HMCN2: variants seen among roughly 807,000 people sequenced by gnomAD.
HMCN2 encodes hemicentin 2.
In HMCN2, 325 loss-of-function variants were observed where a neutral mutation model predicts 377.5. The ratio of observed to expected loss-of-function variants is 0.86; its 90% CI spans 0.79 to 0.94. HMCN2 has a LOEUF of 0.94. HMCN2 is among the 40% of genes least tolerant of loss of function. The pLI is 0.00. For missense variants in HMCN2, 4,543 were observed against 4,725.3 expected (o/e 0.96, Z 1.13); for synonymous variants, 2,007 against 2,046.8 (o/e 0.98, Z 0.53).
At chr9:130,273,442 C>A (rs1192039449) in intron 1 of HMCN2, among the ~76,000 whole-genome samples, 1 of 152,022 alleles carries the variant, frequency 6.6e-6, no homozygotes, top group African/African-American at 2.4e-5. Context: ...TATTTATCAG[C>A]AAAAACTGTC....
chr9:130,321,227 C>T (rs1242495365), intron 18 of HMCN2, among the ~76,000 whole-genome samples: 5 of 152,214 alleles, frequency 3.3e-5, no homozygotes, highest in Non-Finnish European at 7.4e-5. Flanking sequence ...GTGGTCTCCC[C>T]GGTTCTTATG....
At chr9:130,336,733 A>G (rs1426790448) in intron 22 of HMCN2, among the ~76,000 whole-genome samples, 2 of 152,234 alleles carry the variant, frequency 1.3e-5, no homozygotes, top group Admixed American at 6.5e-5. Context: ...ACTACTCTGC[A>G]GATGGGGAGA....
In HMCN2 at chr9:130,295,670, G is replaced by C. The variant is rs1554931783; in HGVS notation, c.789G>C (p.Arg263Ser). The change falls in exon 6 of 98, where the codon AGG (arginine) becomes AGC (serine). Residue 263 changes from arginine to serine, a missense_variant. Coordinates refer to ENST00000683500, the MANE Select transcript of HMCN2 (RefSeq NM_001291815.2). ...PEIEVQDPLGRILQEDEGLNV... is the reference protein window; with the variant it reads ...PEIEVQDPLGSILQEDEGLNV... ...CAGCCCTTGGGGCTTCCACAGGGAGGATCCTGCAGGAGGACGAGGGCCTCA... is the reference window on the plus strand; with the variant it reads ...CAGCCCTTGGGGCTTCCACAGGGAGCATCCTGCAGGAGGACGAGGGCCTCA... 4 of 470,858 alleles carry C rather than the reference G, an allele frequency of 8.5e-6. No homozygotes were observed. The highest frequency in any genetic ancestry group is 2.3e-5 in the Admixed American group (1 of 42,572). The allele number at this position is 470,858 out of a possible 1,614,324, so 29.2% of individuals were successfully genotyped here. A position where few individuals can be genotyped will look rare whatever the true frequency, so the allele number is the denominator to read the frequency against.
Position 130,360,480 on chromosome 9 carries a change from A to G in HMCN2, c.5826A>G (p.Thr1942=), listed in dbSNP as rs752504905. The G allele has an allele frequency of 7.7e-7, 1 of 1,303,926 alleles. No homozygotes were observed. The allele number at this position is 1,303,926 out of a possible 1,614,324, so 80.8% of individuals were successfully genotyped here. A position where few individuals can be genotyped will look rare whatever the true frequency, so the allele number is the denominator to read the frequency against. ...HQPVSSWMGV[T]VSVDGRVLRI... The stretch of plus-strand genomic sequence containing the variant: ...CTGTCTCTTCATGGATGGGAGTGAC[A>G]GTATCAGTGGATGGGAGAGTTCTCC... Residue 1942 remains threonine, a synonymous_variant, in exon 38 of 98, where the codon ACA becomes ACG. Transcript: ENST00000683500. This position sits in a 1 kb window ranked among gnomAD's most constrained non-coding sequence, Gnocchi z 4.7.
chr9:130,371,040 C>G lies in HMCN2; in HGVS notation c.7146C>G (p.Leu2382=), dbSNP rs1416635241. The change falls in exon 46 of 98, where the codon CTC becomes CTG. Residue 2382 remains leucine, a synonymous_variant. Coordinates refer to ENST00000683500, the MANE Select transcript of HMCN2 (RefSeq NM_001291815.2). ...CCTTGCACAGCCCCTTAACTCTGCT[C>G]TGTGAAGCCATGGGGATCCCACCTC... is the stretch of plus-strand genomic sequence containing the variant. ...TAALHSPLTL[L]CEAMGIPPPA... 6.1e-6 allele frequency: 6 copies of G among 985,832 alleles called. No individual in the cohort carries two copies. Among genetic ancestry groups the G allele is most frequent in the African/African-American group, 1.7e-5 (1 of 57,238 alleles). The allele number at this position is 985,832 out of a possible 1,614,324, so 61.1% of individuals were successfully genotyped here.
intron 52 of HMCN2, 137 bp downstream of exon 52, chr9:130,376,795 AT>A: frequency 3.2e-6 from 1 of 308,674 alleles, no homozygotes; most frequent in Non-Finnish European, 4.7e-6. Flanking sequence ...CCCTTTATTT[AT>A]TTTATTTTTA....
Position 130,357,943 on chromosome 9 carries a change from G to A in HMCN2, c.5535G>A (p.Trp1845Ter), listed in dbSNP as rs778739284. The A allele has an allele frequency of 1.5e-6, 2 of 1,304,214 alleles. No individual in the cohort carries two copies. Among genetic ancestry groups the A allele is most frequent in the South Asian group, 2.5e-5 (2 of 81,026 alleles). 80.8% of individuals were successfully genotyped at this position (1,304,214 alleles called of 1,614,324 possible). The change falls in exon 35 of 98, where the codon TGG becomes TGA. Residue 1845 changes from tryptophan (W) to a stop codon, truncating the protein, a stop_gained. Transcript: ENST00000683500. LOFTEE classifies it high-confidence loss of function. ...GDGVPTPSLR[W>*]WKDGVALAAF... ...GGGTGCCCACCCCAAGCCTCCGTTG[G>A]TGGAAGGATGGTGTAGCCCTGGCAG...
intron 22 of HMCN2, among the ~76,000 whole-genome samples, chr9:130,336,679 G>A (rs1386893912): frequency 6.6e-6 from 1 of 152,170 alleles, no homozygotes; most frequent in Non-Finnish European, 1.5e-5. Flanking sequence ...TGGATGCTCG[G>A]GACAAAAGGA....
At chr9:130,312,611 TC>T (rs1837329662) in intron 15 of HMCN2, among the ~76,000 whole-genome samples, 1 of 128,220 alleles carries the variant, frequency 7.8e-6, no homozygotes, top group South Asian at 3.0e-4. Context: ...TTTCTTTCTT[TC>T]TTTCTCTGTC....
At chr9:130,392,459 G>C (rs888720389) in intron 66 of HMCN2, among the ~76,000 whole-genome samples, 1 of 152,198 alleles carries the variant, frequency 6.6e-6, no homozygotes, top group Admixed American at 6.5e-5. Context: ...AGTGGTTGGG[G>C]CGAAAGGGGC....
At chr9:130,379,667 G>A (rs1382064189) in intron 54 of HMCN2, among the ~76,000 whole-genome samples, 200 bp downstream of exon 54, 2 of 152,210 alleles carry the variant, frequency 1.3e-5, no homozygotes, top group African/African-American at 4.8e-5. Context: ...CTCCTATCAT[G>A]GGGCATGCCC....
chr9:130,344,170 C>A (rs1839213665), intron 25 of HMCN2, among the ~76,000 whole-genome samples: 2 of 152,204 alleles, frequency 1.3e-5, no homozygotes, highest in African/African-American at 4.8e-5. Flanking sequence ...CGACCTGCAG[C>A]TCGGAAGGCC....
intron 25 of HMCN2, among the ~76,000 whole-genome samples, chr9:130,344,460 G>A (rs1227137537): frequency 6.6e-6 from 1 of 151,194 alleles, no homozygotes; most frequent in African/African-American, 2.4e-5. Context: ...GGTGTTTGGT[G>A]TATGTTGTGT....
intron 81 of HMCN2, 140 bp from the exon 82 acceptor site, chr9:130,405,815 G>A (rs564792883): frequency 1.3e-4 from 65 of 494,814 alleles, no homozygotes; most frequent in African/African-American, 1.2e-3. Context: ...ATGCTGACCC[G>A]TTTGCTAGCT....
At chr9:130,373,198 G>T in intron 48 of HMCN2, 74 bp downstream of exon 48, 1 of 507,290 alleles carries the variant, frequency 2.0e-6, no homozygotes, top group Non-Finnish European at 2.5e-6. Context: ...GATCCCTGGG[G>T]ATCTGCCCAC....
intron 15 of HMCN2, among the ~76,000 whole-genome samples, chr9:130,311,701 C>T (rs911640553): frequency 7.2e-5 from 11 of 152,082 alleles, no homozygotes; most frequent in Non-Finnish European, 1.5e-5. Flanking sequence ...GTGTTCCAGA[C>T]AAAGGGAATA....
At position 130,428,023 on chromosome 9, in the gene HMCN2, C is replaced by T. The variant is rs776470366; in HGVS notation, c.14066-335C>T. 1.3e-5 allele frequency among the ~76,000 whole-genome samples: 2 copies of T among 152,176 alleles called. 1 individual carries two copies. Among genetic ancestry groups the T allele is most frequent in the Non-Finnish European group, 2.9e-5 (2 of 68,028 alleles). On this transcript the variant is annotated intron_variant, in intron 92 of 97. Coordinates refer to ENST00000683500, the MANE Select transcript of HMCN2 (RefSeq NM_001291815.2). The surrounding 1 kb of genome is among the most constrained non-coding windows in gnomAD (Gnocchi z 5.0). ...ATCTGACCTCAGGTGATGGTGCTGA[C>T]GCTGACCCCCAGTCTGCATCCCTGC...
In HMCN2 at chr9:130,398,696, G is replaced by A. The variant is rs1369237459; in HGVS notation, c.11472G>A (p.Gln3824=). 1.2e-5 allele frequency: 15 copies of A among 1,289,366 alleles called. No individual in the cohort carries two copies. The highest frequency in any genetic ancestry group is 1.5e-5 in the Non-Finnish European group (15 of 988,604). The allele number at this position is 1,289,366 out of a possible 1,614,324, so 79.9% of individuals were successfully genotyped here. ...AGAAGCTGGACTTCCGCCTGCAGCA[G>A]GGCGCCTACCGGTAACGAGCTGGAC... is the stretch of plus-strand genomic sequence containing the variant. ...DGQKLDFRLQ[Q]GAYRLLPSNA... is the part of the protein sequence containing the mutation. The change falls in exon 75 of 98, where the codon CAG becomes CAA. Residue 3824 remains glutamine, a synonymous_variant. Coordinates refer to ENST00000683500, the MANE Select transcript of HMCN2 (RefSeq NM_001291815.2).
intron 60 of HMCN2, 21 bp downstream of exon 60, chr9:130,385,783 G>C (rs973959853): frequency 6.2e-6 from 8 of 1,298,218 alleles, no homozygotes; most frequent in Non-Finnish European, 8.1e-6. Context: ...CTGGGGGCAC[G>C]GGCAGCCATG....
Sources: allele counts gnomAD v4.1 joint callset (sites outside exome capture counted in the v4.1 genomes callset), GRCh38; gene constraint gnomAD v4.1.1; non-coding constraint Gnocchi (gnomAD v3.1); transcripts MANE v1.5; gene names NCBI Gene and HGNC (gene_info 2026-07-23, HGNC 2026-07-21).